Variants in RELN observed in about 807,000 individuals in gnomAD.
RELN encodes the protein reelin.
RELN carries 108 observed loss-of-function variants against 427.6 expected under a neutral mutation model. That is an observed-to-expected ratio of 0.25 (90% CI 0.22 to 0.30). RELN has a LOEUF of 0.30. Among genes scored for constraint, RELN ranks in the 10% least tolerant of loss-of-function variants. The pLI is 1.00. For missense variants in RELN, 3,715 were observed against 4,302.8 expected, an observed-to-expected ratio of 0.86 and a Z score of 3.82; for synonymous variants, 1,524 against 1,513.4, an observed-to-expected ratio of 1.01 and a Z score of -0.16.
intron 2 of RELN, among the ~76,000 whole-genome samples, chr7:103,883,494 T>C (rs1380640756): frequency 6.6e-6 from 1 of 152,212 alleles, no homozygotes; most frequent in Admixed American, 6.5e-5. Context: ...AGTCAAACTG[T>C]CTCTGTTTGC....
rs770001337 is a variant in RELN at position 103,698,055 on chromosome 7, T to C, written c.941A>G (p.Tyr314Cys). ...SNVSTIIHIL[Y>C]LPEDAKGENV... is the part of the protein sequence containing the mutation. ...CTCCCCTTTGGCGTCCTCAGGAAGGTAGAGGATATGGATGATTGTGCTGAC... is the reference window on the plus strand; with the variant it reads ...CTCCCCTTTGGCGTCCTCAGGAAGGCAGAGGATATGGATGATTGTGCTGAC... Residue 314 changes from tyrosine to cysteine, a missense_variant, in exon 10 of 65, where the codon TAC (tyrosine) becomes TGC (cysteine). Transcript: ENST00000428762. The C allele has an allele frequency of 3.1e-6, 5 of 1,613,746 alleles. No individual in the cohort carries two copies. Among genetic ancestry groups the C allele is most frequent in the Admixed American group, 1.7e-5 (1 of 59,956 alleles).
intron 17 of RELN, among the ~76,000 whole-genome samples, chr7:103,638,318 A>G (rs961356486): frequency 2.6e-5 from 4 of 152,174 alleles, no homozygotes; most frequent in Admixed American, 6.5e-5. Context: ...CCTCATTAGC[A>G]TCTCTAACAG....
At chr7:103,917,287 A>C (rs538219351) in intron 1 of RELN, 102 bp from the exon 2 acceptor site, 6 of 924,760 alleles carry the variant, frequency 6.5e-6, no homozygotes, top group Admixed American at 6.0e-5. Flanking sequence ...ACTCATTAAC[A>C]AATTATTTTT....
chr7:103,591,218 G>A (rs182442268), intron 27 of RELN, among the ~76,000 whole-genome samples: 1 of 152,218 alleles, frequency 6.6e-6, no homozygotes, highest in Admixed American at 6.5e-5. Context: ...GTTGGCGGGA[G>A]CCACAAATTT....
intron 1 of RELN, among the ~76,000 whole-genome samples, chr7:103,983,572 A>G (rs529663122): frequency 6.6e-6 from 1 of 152,334 alleles, no homozygotes; most frequent in South Asian, 2.1e-4. Flanking sequence ...GCTTTTGCTT[A>G]AAGTTGATGA....
rs769036686 is a variant in RELN, at chr7:103,535,476, A to G, written c.7189T>C (p.Leu2397=). The change falls in exon 46 of 65, where the codon TTG becomes CTG. Residue 2397 remains leucine, a synonymous_variant. Coordinates refer to ENST00000428762, the MANE Select transcript of RELN (RefSeq NM_005045.4). ...SVTDSCYAIE[L]EYSVDLGLSW... ...AATCCAAGATCTACTGAGTATTCCA[A>G]TTCAATCGCTGAAACAGGAAACATT... 7 of 1,613,958 alleles carry G rather than the reference A, an allele frequency of 4.3e-6. No homozygotes were observed. In the Admixed American group the frequency reaches 6.7e-5, roughly 15 times the overall value.
intron 1 of RELN, among the ~76,000 whole-genome samples, chr7:103,939,623 A>G (rs1289551663): frequency 1.3e-5 from 2 of 152,218 alleles, no homozygotes; most frequent in Non-Finnish European, 2.9e-5. Flanking sequence ...TTGATCTAGC[A>G]ATTACACTTT....
chr7:103,610,687 C>T lies in RELN; in HGVS notation c.3008+8G>A, dbSNP rs746420641. ...AAGTGACAGCCATATCTAAAGATGT[C>T]ATCTCACCAAGTTTTCTGGGGAAGA... On this transcript the variant is annotated splice_region_variant and intron_variant, in intron 22 of 64. Transcript: ENST00000428762. The T allele has an allele frequency of 7.3e-7, 1 of 1,366,658 alleles. No individual in the cohort carries two copies. Among genetic ancestry groups the T allele is most frequent in the South Asian group, 1.2e-5 (1 of 85,928 alleles). The allele number at this position is 1,366,658 out of a possible 1,614,324, so 84.7% of individuals were successfully genotyped here.
intron 20 of RELN, among the ~76,000 whole-genome samples, chr7:103,629,230 TG>T (rs1315387973): frequency 2.0e-5 from 3 of 152,186 alleles, no homozygotes; most frequent in Non-Finnish European, 4.4e-5. Context: ...TACTCAACAC[TG>T]TTGTATTATC....
intron 1 of RELN, among the ~76,000 whole-genome samples, chr7:103,939,007 C>T (rs1026534037): frequency 4.6e-5 from 7 of 151,480 alleles, no homozygotes; most frequent in Middle Eastern, 3.4e-3. Flanking sequence ...AGTCCAATGG[C>T]GTAGTCTCGG....
intron 1 of RELN, among the ~76,000 whole-genome samples, chr7:103,940,079 T>C (rs981935000): frequency 6.6e-6 from 1 of 152,216 alleles, no homozygotes; most frequent in East Asian, 1.9e-4. Flanking sequence ...TGATGTTTTA[T>C]ACATATACCC....
At chr7:103,647,927 T>C (rs1175357194) in intron 16 of RELN, among the ~76,000 whole-genome samples, 1 of 151,756 alleles carries the variant, frequency 6.6e-6, no homozygotes, top group Non-Finnish European at 1.5e-5. Context: ...TCTTAAACAA[T>C]ATTCAAAAAA....
At chr7:103,859,615 C>T (rs113249104) in intron 2 of RELN, among the ~76,000 whole-genome samples, 20 of 152,158 alleles carry the variant, frequency 1.3e-4, no homozygotes, top group South Asian at 2.1e-4. Flanking sequence ...TTTAATCTTA[C>T]GAAGATTTGA....
At chr7:103,518,511 T>A (rs958022195) in intron 49 of RELN, among the ~76,000 whole-genome samples, 46 of 147,584 alleles carry the variant, frequency 3.1e-4, no homozygotes, top group Non-Finnish European at 1.2e-4. Flanking sequence ...TTAAGTTTTT[T>A]TTTTTTTTGG....
intron 1 of RELN, among the ~76,000 whole-genome samples, chr7:103,980,003 A>C (rs923214172): frequency 1.3e-5 from 2 of 152,088 alleles, no homozygotes; most frequent in African/African-American, 2.4e-5. Flanking sequence ...CTCTACTAAA[A>C]ATACAAAATT....
intron 46 of RELN, among the ~76,000 whole-genome samples, chr7:103,530,600 G>C (rs975141407): frequency 2.6e-5 from 4 of 152,258 alleles, no homozygotes; most frequent in African/African-American, 9.6e-5. Context: ...ACCCAACTCT[G>C]TGAATCAGCA....
chr7:103,479,657 C>T (rs1450577582), intron 63 of RELN, among the ~76,000 whole-genome samples: 1 of 152,012 alleles, frequency 6.6e-6, no homozygotes, highest in Non-Finnish European at 1.5e-5. Flanking sequence ...TTCTGTATGT[C>T]CATATTTATG....
At chr7:103,757,274 A>C (rs1449657943) in intron 4 of RELN, among the ~76,000 whole-genome samples, 1 of 152,184 alleles carries the variant, frequency 6.6e-6, no homozygotes, top group Non-Finnish European at 1.5e-5. Flanking sequence ...CAACTGTCCA[A>C]GTGCTTACCC....
chr7:103,823,886 A>T (rs1378415969), intron 3 of RELN, among the ~76,000 whole-genome samples: 2 of 37,102 alleles, frequency 5.4e-5, no homozygotes, highest in Admixed American at 4.0e-4. Flanking sequence ...CTGCATTTTT[A>T]AAAAATTTAT....
Sources: gnomAD v4.1 joint callset for allele counts (sites outside exome capture counted in the v4.1 genomes callset) on GRCh38, gnomAD v4.1.1 for gene constraint, MANE v1.5 for transcripts, NCBI Gene and HGNC (gene_info 2026-07-23, HGNC 2026-07-21) for gene names.